NRXN2: variants seen among roughly 807,000 people sequenced by gnomAD.
The protein encoded by NRXN2 is neurexin 2.
In NRXN2, 29 loss-of-function variants were observed where a neutral mutation model predicts 128.8. The observed-to-expected ratio is 0.23, with a 90% CI of 0.17 to 0.31. The LOEUF (loss-of-function observed/expected upper bound fraction) is 0.31, where lower values mean the gene tolerates loss of function less well. Ranked by LOEUF, NRXN2 falls within the 10% of genes least tolerant of loss-of-function variation. NRXN2 has a pLI of 1.00. For missense variants in NRXN2, 1,881 were observed against 2,452.6 expected (o/e 0.77, Z 4.92); for synonymous variants, 1,098 against 1,075.2 (o/e 1.02, Z -0.41).
chr11:64,663,555 A>C (rs1259655722), intron 9 of NRXN2, among the ~76,000 whole-genome samples: 3 of 152,018 alleles, frequency 2.0e-5, no homozygotes, highest in African/African-American at 7.3e-5. Flanking sequence ...CTGATTACCC[A>C]CACCTCTATT....
In NRXN2 at chr11:64,713,845, G is replaced by C. The variant is rs2057186923; in HGVS notation, c.-146C>G. The C allele has an allele frequency of 2.8e-6, 1 of 355,692 alleles. No homozygotes were observed. The highest frequency in any genetic ancestry group is 2.2e-5 in the African/African-American group (1 of 45,100). 22.0% of individuals were successfully genotyped at this position (355,692 alleles called of 1,614,324 possible). A position where few individuals can be genotyped will look rare whatever the true frequency, so the allele number is the denominator to read the frequency against. ...CACAGTGCCATGGGCCCGGCCGCGGGGCGAGGCGCGCAGAGGCCCAGATGC... is the reference window on the plus strand; with the variant it reads ...CACAGTGCCATGGGCCCGGCCGCGGCGCGAGGCGCGCAGAGGCCCAGATGC... On this transcript the variant is annotated 5_prime_UTR_variant, in exon 2 of 23. Transcript: ENST00000265459.
At chr11:64,674,038 CAAA>C (rs34895531) in intron 7 of NRXN2, among the ~76,000 whole-genome samples, 8 of 73,186 alleles carry the variant, frequency 1.1e-4, no homozygotes, top group Middle Eastern at 0.01. Context: ...ACTCTGTCTC[CAAA>C]AAAAAAAAAA....
rs903704820 is a variant in NRXN2, at chr11:64,631,174, T to C, written c.3586-601A>G. 8.6e-5 allele frequency among the ~76,000 whole-genome samples: 13 copies of C among 151,862 alleles called. No individual in the cohort carries two copies. Among genetic ancestry groups the C allele is most frequent in the Non-Finnish European group, 1.5e-4 (10 of 67,964 alleles). ...GCTCTGAGTGTGGGGGTGGACCCTC[T>C]GCAGCCATGGGGGTGGAGGTGGGGG... is the stretch of plus-strand genomic sequence containing the variant. On this transcript the variant is annotated intron_variant, in intron 18 of 22. Transcript: ENST00000265459. The surrounding 1 kb of genome is among the most constrained non-coding windows in gnomAD (Gnocchi z 4.8).
chr11:64,646,089 T>C (rs1477713327), intron 17 of NRXN2, among the ~76,000 whole-genome samples: 1 of 152,186 alleles, frequency 6.6e-6, no homozygotes, highest in East Asian at 1.9e-4. Flanking sequence ...ATTCCTGCCC[T>C]GCCCTCCAGG....
chr11:64,652,986 C>T (rs986354253), intron 12 of NRXN2, among the ~76,000 whole-genome samples: 1 of 146,366 alleles, frequency 6.8e-6, no homozygotes, highest in Admixed American at 6.7e-5. Context: ...AAGAGCAGGG[C>T]GCCCAGCACA....
chr11:64,635,569 T>C lies in NRXN2; in HGVS notation c.3404-117A>G. ...CCAGGTCTAGATGTGGGACTTCAGC[T>C]GTGATACCCACAGCAGCCACCAGCC... On this transcript the variant is annotated intron_variant, in intron 17 of 22. Coordinates refer to ENST00000265459, the MANE Select transcript of NRXN2 (RefSeq NM_015080.4). The surrounding 1 kb of genome is among the most constrained non-coding windows in gnomAD (Gnocchi z 4.8). 1 of 1,167,948 alleles carries C rather than the reference T, an allele frequency of 8.6e-7. No homozygotes were observed. The highest frequency in any genetic ancestry group is 1.3e-5 in the South Asian group (1 of 76,318). 72.3% of individuals were successfully genotyped at this position (1,167,948 alleles called of 1,614,324 possible). A position where few individuals can be genotyped will look rare whatever the true frequency, so the allele number is the denominator to read the frequency against.
intron 3 of NRXN2, among the ~76,000 whole-genome samples, chr11:64,695,943 A>T (rs979024844): frequency 6.7e-6 from 1 of 148,308 alleles, no homozygotes; most frequent in African/African-American, 2.5e-5. Flanking sequence ...CTCCCACCAG[A>T]CTCCTTCTTC....
chr11:64,663,481 ACT>A (rs2049345019), intron 9 of NRXN2, among the ~76,000 whole-genome samples: 1 of 151,408 alleles, frequency 6.6e-6, no homozygotes, highest in African/African-American at 2.4e-5. Flanking sequence ...CATGGTCCTG[ACT>A]CTAAACCCAC....
rs199682650 is a variant in NRXN2 at position 64,635,302 on chromosome 11, G to A, written c.3554C>T (p.Ser1185Phe). ...SAVLVRVDSASGLGDYLQLHI... is the reference protein window; with the variant it reads ...SAVLVRVDSAFGLGDYLQLHI... ...CAGCTGCAGGTAGTCTCCAAGGCCGGAGGCGCTGTCCACCCGCACCAGCAC... is the reference window on the plus strand; with the variant it reads ...CAGCTGCAGGTAGTCTCCAAGGCCGAAGGCGCTGTCCACCCGCACCAGCAC... The change falls in exon 18 of 23, where the codon TCC becomes TTC. Residue 1185 changes from serine to phenylalanine, a missense_variant. Physicochemically the swap from Ser to Phe is radical, Grantham distance 155. Transcript: ENST00000265459. The surrounding 1 kb of genome is among the most constrained non-coding windows in gnomAD (Gnocchi z 4.8). 42 of 1,613,326 alleles carry A rather than the reference G, an allele frequency of 2.6e-5. No individual in the cohort carries two copies. The highest frequency in any genetic ancestry group is 3.6e-5 in the Non-Finnish European group (42 of 1,179,994).
chr11:64,626,154 G>A (rs571491770), intron 20 of NRXN2, among the ~76,000 whole-genome samples: 7 of 152,090 alleles, frequency 4.6e-5, no homozygotes, highest in South Asian at 4.2e-4. Flanking sequence ...ATTTACTGCC[G>A]GGCTCACAGT....
chr11:64,692,991 G>C (rs1324186665), intron 3 of NRXN2, 115 bp from the exon 4 acceptor site: 538 of 824,800 alleles, frequency 6.5e-4, no homozygotes, highest in Non-Finnish European at 8.7e-4. Context: ...AGAGAAGGGA[G>C]AAAAAAGCTT....
rs556620801 is a variant in NRXN2, at chr11:64,654,161, C to G, written c.2390-439G>C. ...TGCATCCCCTGCTCTGGGACGACTC[C>G]CTCCTCAGAGCCCAGGTGTGACTTG... On this transcript the variant is annotated intron_variant, in intron 11 of 22. Transcript: ENST00000265459. 4.6e-5 allele frequency among the ~76,000 whole-genome samples: 7 copies of G among 152,250 alleles called. No homozygotes were observed. The South Asian group carries it at 1.4e-3, about 32-fold the overall frequency.
intron 7 of NRXN2, chr11:64,676,785 A>G (rs546429913): frequency 9.8e-6 from 6 of 609,932 alleles, no homozygotes; most frequent in Non-Finnish European, 1.8e-5. Flanking sequence ...TGTCTTTTGT[A>G]TTTCAGTTTG....
rs2048836196 is a variant in NRXN2, at chr11:64,660,278, G to A, written c.2389+54C>T. On this transcript the variant is annotated intron_variant, in intron 11 of 22. Coordinates refer to ENST00000265459, the MANE Select transcript of NRXN2 (RefSeq NM_015080.4). The surrounding 1 kb of genome is among the most constrained non-coding windows in gnomAD (Gnocchi z 5.2). ...AGCTTCTCCAGACAGAGGCAGGTGT[G>A]GGTCAGAGACAAGGCCAGGTGAGGG... 4 of 1,577,726 alleles carry A rather than the reference G, an allele frequency of 2.5e-6. No individual in the cohort carries two copies. The highest frequency in any genetic ancestry group is 3.5e-6 in the Non-Finnish European group (4 of 1,148,788).
At chr11:64,655,082 G>T (rs1259349740) in intron 11 of NRXN2, among the ~76,000 whole-genome samples, 1 of 152,168 alleles carries the variant, frequency 6.6e-6, no homozygotes, top group Non-Finnish European at 1.5e-5. Flanking sequence ...CTACCCCACA[G>T]CCCAGGAAGC....
chr11:64,685,811 A>G lies in NRXN2; in HGVS notation c.987T>C (p.His329=). 1.9e-6 allele frequency: 3 copies of G among 1,614,228 alleles called. No individual in the cohort carries two copies. Among genetic ancestry groups the G allele is most frequent in the South Asian group, 1.1e-5 (1 of 91,084 alleles). Residue 329 remains histidine (H), a synonymous_variant, in exon 6 of 23, where the codon CAT becomes CAC. Coordinates refer to ENST00000265459, the MANE Select transcript of NRXN2 (RefSeq NM_015080.4). ...RTLQRNGLML[H]TGKSADYVNL... ...TGACGTAGTCGGCCGACTTGCCTGT[A>G]TGCAGCATCAGGCCGTTGCGTTGCA...
At chr11:64,709,501 G>A (rs886999116) in intron 2 of NRXN2, among the ~76,000 whole-genome samples, 4 of 152,018 alleles carry the variant, frequency 2.6e-5, no homozygotes, top group African/African-American at 9.7e-5. Context: ...TGCAGAGTGG[G>A]GAGAGAAAAG....
rs553611206 is a variant in NRXN2, at chr11:64,682,513, CCATCCTTGAGGACTG to C, written c.1152+3118_1152+3132del. 3.3e-3 allele frequency among the ~76,000 whole-genome samples: 510 copies of C among 152,310 alleles called. 3 individuals are homozygous for C. Among genetic ancestry groups the C allele is most frequent in the Non-Finnish European group, 4.5e-3 (307 of 68,036 alleles). On this transcript the variant is annotated intron_variant, in intron 6 of 22. Transcript: ENST00000265459. ...TTGCGGACCGCATCTTTGAGGGACT[CCATCCTTGAGGACTG>C]CATCCTTGGGGACTCCATTTTTGGG...
rs375194426 is a variant in NRXN2, at chr11:64,608,380, GA to G, written c.4253-299del. ...AAGGAAAGGAAATTGAAAAGAAACA[GA>G]AAAAAAAACTCTACTGGTTTAAGGC... On this transcript the variant is annotated intron_variant, in intron 22 of 22. Coordinates refer to ENST00000265459, the MANE Select transcript of NRXN2 (RefSeq NM_015080.4). 2.0e-4 allele frequency among the ~76,000 whole-genome samples: 29 copies of G among 146,094 alleles called. No homozygotes were observed. The East Asian group carries it at 2.9e-3, about 14-fold the overall frequency.
Sources: gnomAD v4.1 joint callset for allele counts (sites outside exome capture counted in the v4.1 genomes callset) on GRCh38, gnomAD v4.1.1 for gene constraint, Gnocchi (gnomAD v3.1) non-coding constraint, MANE v1.5 for transcripts, NCBI Gene and HGNC (gene_info 2026-07-23, HGNC 2026-07-21) for gene names.